The following USPL1 variants were observed in gnomAD, a reference collection of about 807,000 sequenced individuals.
USPL1 encodes SUMO-specific isopeptidase USPL1.
A neutral mutation model predicts 51.5 loss-of-function variants in USPL1; 27 were observed. That is an observed-to-expected ratio of 0.52 (90% CI 0.39 to 0.72). The LOEUF is 0.72. Ranked by LOEUF, USPL1 falls within the 30% of genes least tolerant of loss-of-function variation. USPL1 has a pLI of 0.00. For synonymous variants in USPL1, 451 were observed against 459.6 expected (o/e 0.98, Z 0.24); for missense variants, 1,226 against 1,268.0 (o/e 0.97, Z 0.50).
At position 30,629,010 on chromosome 13, in the gene USPL1, G is replaced by A. The variant is rs1246125075; in HGVS notation, c.229-1825G>A. Among the ~76,000 whole-genome samples, 3 of 152,216 alleles carry A rather than the reference G, an allele frequency of 2.0e-5. No individual in the cohort carries two copies. The East Asian group carries it at 5.8e-4, about 29-fold the overall frequency. On this transcript the variant is annotated intron_variant, in intron 3 of 8. Transcript: ENST00000255304. Reference sequence around the variant, plus strand: ...TAATCTCAAAGCATCATGTTGACAGGTTGTTAGTTGATGGTGACTGCAGCT... The same window carrying A: ...TAATCTCAAAGCATCATGTTGACAGATTGTTAGTTGATGGTGACTGCAGCT...
intron 6 of USPL1, among the ~76,000 whole-genome samples, chr13:30,645,915 A>G (rs973363408): frequency 2.6e-5 from 4 of 152,212 alleles, no homozygotes; most frequent in African/African-American, 9.6e-5. Context: ...GAAATGTCAG[A>G]TGTCATGTGG....
Position 30,658,479 on chromosome 13 carries a change from C to T in USPL1, c.2402C>T (p.Thr801Ile). Reference sequence around the variant, plus strand: ...GTAAATAATTTTGGTGGCTTTAAAACTAAAGGTATAAACCAGAAGGCCAGC... The same window carrying T: ...GTAAATAATTTTGGTGGCTTTAAAATTAAAGGTATAAACCAGAAGGCCAGC... Reference protein sequence around the residue: ...KGVNNFGGFKTKGINQKASHV... With the variant: ...KGVNNFGGFKIKGINQKASHV... Residue 801 changes from threonine to isoleucine, a missense_variant, in exon 9 of 9, where the codon ACT becomes ATT. By Grantham distance (89) the Thr-to-Ile change is moderately conservative. Transcript: ENST00000255304. 3 of 1,613,810 alleles carry T rather than the reference C, an allele frequency of 1.9e-6. No individual in the cohort carries two copies. The highest frequency in any genetic ancestry group is 2.5e-6 in the Non-Finnish European group (3 of 1,180,018).
At chr13:30,629,413 G>A (rs1950769624) in intron 3 of USPL1, among the ~76,000 whole-genome samples, 3 of 152,136 alleles carry the variant, frequency 2.0e-5, no homozygotes, top group Admixed American at 2.0e-4. Context: ...CTTGATCCCA[G>A]GAGGCAGAGG....
chr13:30,633,760 G>A (rs955244284), intron 4 of USPL1, among the ~76,000 whole-genome samples: 2 of 148,476 alleles, frequency 1.3e-5, no homozygotes, highest in Non-Finnish European at 3.0e-5. Flanking sequence ...CAACCTGCCT[G>A]GGTGATAGAA....
chr13:30,629,337 C>T (rs1181063026), intron 3 of USPL1, among the ~76,000 whole-genome samples: 1 of 152,080 alleles, frequency 6.6e-6, no homozygotes, highest in African/African-American at 2.4e-5. Context: ...AACCTTGTCT[C>T]TACAGAAAAT....
intron 4 of USPL1, 69 bp downstream of exon 4, chr13:30,631,543 C>T (rs779953007): frequency 7.0e-7 from 1 of 1,437,188 alleles, no homozygotes; most frequent in Non-Finnish European, 9.3e-7. Flanking sequence ...TTCTGTCACC[C>T]AGGCTGGAGT....
intron 3 of USPL1, 53 bp downstream of exon 3, chr13:30,621,945 T>C (rs990034291): frequency 8.2e-7 from 1 of 1,225,072 alleles, no homozygotes. Flanking sequence ...TTTCTTTTGC[T>C]TTTTTATTAA....
intron 7 of USPL1, among the ~76,000 whole-genome samples, chr13:30,651,293 G>T (rs763894063): frequency 3.3e-5 from 5 of 152,134 alleles, no homozygotes; most frequent in Admixed American, 6.5e-5. Context: ...GAATCTCATA[G>T]CAGACTTTGG....
intron 4 of USPL1, among the ~76,000 whole-genome samples, chr13:30,635,748 A>G (rs190612761): frequency 2.8e-4 from 42 of 152,320 alleles, no homozygotes; most frequent in African/African-American, 9.9e-4. Context: ...TGGATCTTAT[A>G]CATCGTTTCC....
rs1950797973 is a variant in USPL1 at position 30,631,098 on chromosome 13, G to T, written c.492G>T (p.Arg164Ser). 3 of 1,614,162 alleles carry T rather than the reference G, an allele frequency of 1.9e-6. No individual in the cohort carries two copies. In the East Asian group the frequency reaches 6.7e-5, roughly 36 times the overall value. The change falls in exon 4 of 9, where the codon AGG becomes AGT. Residue 164 changes from arginine (R) to serine (S), a missense_variant. Physicochemically the swap from Arg to Ser is moderately radical, Grantham distance 110. Transcript: ENST00000255304. ...PDSSGQQNPI[R>S]TADSLERNEI... Reference sequence around the variant, plus strand: ...GTAGTGGTCAACAGAATCCAATTAGGACAGCTGATTCCTTGGAGCGGAATG... The same window carrying T: ...GTAGTGGTCAACAGAATCCAATTAGTACAGCTGATTCCTTGGAGCGGAATG...
At chr13:30,643,681 C>T (rs1950980154) in intron 6 of USPL1, among the ~76,000 whole-genome samples, 2 of 146,296 alleles carry the variant, frequency 1.4e-5, no homozygotes, top group Admixed American at 1.4e-4. Context: ...GTGATCCCGG[C>T]TCACTGCAGC....
intron 8 of USPL1, among the ~76,000 whole-genome samples, chr13:30,653,776 TA>T (rs1218246828): frequency 6.6e-6 from 1 of 152,232 alleles, no homozygotes; most frequent in African/African-American, 2.4e-5. Flanking sequence ...AAGCACAGTT[TA>T]TGGATTTTGG....
In USPL1 at chr13:30,631,099, A is replaced by C; in HGVS notation, c.493A>C (p.Thr165Pro). The C allele has an allele frequency of 6.2e-7, 1 of 1,614,218 alleles. No homozygotes were observed. Among genetic ancestry groups the C allele is most frequent in the Non-Finnish European group, 8.5e-7 (1 of 1,180,042 alleles). The change falls in exon 4 of 9, where the codon ACA (threonine) becomes CCA (proline). Residue 165 changes from threonine (T) to proline (P), a missense_variant. Coordinates refer to ENST00000255304, the MANE Select transcript of USPL1 (RefSeq NM_005800.5). ...DSSGQQNPIR[T>P]ADSLERNEIL... is the part of the protein sequence containing the mutation. ...TAGTGGTCAACAGAATCCAATTAGGACAGCTGATTCCTTGGAGCGGAATGA... is the reference window on the plus strand; with the variant it reads ...TAGTGGTCAACAGAATCCAATTAGGCCAGCTGATTCCTTGGAGCGGAATGA...
Position 30,653,249 on chromosome 13 carries a change from C to G in USPL1, c.1340C>G (p.Ser447Cys), listed in dbSNP as rs1328021360. 6.2e-7 allele frequency: 1 copy of G among 1,612,256 alleles called. No homozygotes were observed. Among genetic ancestry groups the G allele is most frequent in the African/African-American group, 1.3e-5 (1 of 74,990 alleles). ...HFEGCLYQIT[S>C]VIQYRANNHF... Reference sequence around the variant, plus strand: ...GAAGGCTGTCTTTATCAGATAACTTCTGTAATTCAGTATCGAGCAAATAAT... The same window carrying G: ...GAAGGCTGTCTTTATCAGATAACTTGTGTAATTCAGTATCGAGCAAATAAT... Residue 447 changes from serine to cysteine, a missense_variant, in exon 8 of 9, where the codon TCT becomes TGT. Physicochemically the swap from Ser to Cys is moderately radical, Grantham distance 112 (BLOSUM62 -1). Transcript: ENST00000255304.
intron 3 of USPL1, 77 bp from the exon 4 acceptor site, chr13:30,630,758 T>G: frequency 7.1e-7 from 1 of 1,412,802 alleles, no homozygotes; most frequent in South Asian, 1.4e-5. Flanking sequence ...TATACATGTT[T>G]TTCATGATAT....
At position 30,657,918 on chromosome 13, in the gene USPL1, C is replaced by G; in HGVS notation, c.1841C>G (p.Ala614Gly). ...EAFLLENKPV[A>G]ENTGILKTNT... ...TTCCTGTTAGAAAATAAACCTGTAG[C>G]AGAAAATACAGGAATTCTCAAAACC... Residue 614 changes from alanine (A) to glycine (G), a missense_variant, in exon 9 of 9, where the codon GCA becomes GGA. Ala to Gly is a moderately conservative substitution (Grantham distance 60). Coordinates refer to ENST00000255304, the MANE Select transcript of USPL1 (RefSeq NM_005800.5). 5 of 1,613,832 alleles carry G rather than the reference C, an allele frequency of 3.1e-6. No homozygotes were observed. The highest frequency in any genetic ancestry group is 3.4e-6 in the Non-Finnish European group (4 of 1,179,998).
chr13:30,649,465 T>C (rs1020575285), intron 7 of USPL1, among the ~76,000 whole-genome samples: 1 of 152,234 alleles, frequency 6.6e-6, no homozygotes, highest in Non-Finnish European at 1.5e-5. Flanking sequence ...TTATCTCACA[T>C]AACCCACATC....
intron 5 of USPL1, among the ~76,000 whole-genome samples, chr13:30,642,051 T>G (rs920737583): frequency 6.6e-6 from 1 of 152,106 alleles, no homozygotes; most frequent in Non-Finnish European, 1.5e-5. Context: ...GGACTACAGG[T>G]GTGTAGCACC....
At chr13:30,620,338 T>G (rs982296207) in intron 1 of USPL1, among the ~76,000 whole-genome samples, 1 of 152,230 alleles carries the variant, frequency 6.6e-6, no homozygotes, top group Non-Finnish European at 1.5e-5. Context: ...TTCCTATCAT[T>G]GTGAACCCAC....
Sources: gnomAD v4.1 joint callset for allele counts (sites outside exome capture counted in the v4.1 genomes callset) on GRCh38, gnomAD v4.1.1 for gene constraint, MANE v1.5 for transcripts, NCBI Gene and HGNC (gene_info 2026-07-23, HGNC 2026-07-21) for gene names.